Variants in MTF2 observed in about 807,000 individuals in gnomAD.
The protein encoded by MTF2 is metal response element binding transcription factor 2, also known as metal-response element-binding transcription factor 2.
MTF2 carries 11 observed loss-of-function variants against 79.5 expected under a neutral mutation model. The ratio of observed to expected loss-of-function variants is 0.14; its 90% confidence interval spans 0.09 to 0.23. The LOEUF (loss-of-function observed/expected upper bound fraction) is 0.23. Among genes scored for constraint, MTF2 ranks in the 10% least tolerant of loss-of-function variants. The pLI is 1.00. For synonymous variants in MTF2, 208 were observed against 232.8 expected (o/e 0.89, Z 0.97); for missense variants, 486 against 711.2 (o/e 0.68, Z 3.60).
intron 9 of MTF2, among the ~76,000 whole-genome samples, chr1:93,125,042 A>T (rs1656635038): frequency 6.6e-6 from 1 of 152,016 alleles, no homozygotes; most frequent in Non-Finnish European, 1.5e-5. Context: ...TGCTGAAGGA[A>T]CTTAGTAGAT....
chr1:93,110,083 G>T, intron 1 of MTF2, 147 bp from the exon 2 acceptor site: 1 of 732,420 alleles, frequency 1.4e-6, no homozygotes, highest in South Asian at 2.0e-5. Context: ...TTTGTTTGGA[G>T]AGTATTTATG....
chr1:93,095,337 TTTTTA>T (rs1336224039), intron 1 of MTF2, among the ~76,000 whole-genome samples: 2 of 152,174 alleles, frequency 1.3e-5, no homozygotes, highest in African/African-American at 2.4e-5. Flanking sequence ...TTCTTCATTC[TTTTTA>T]TTTTATTTTA....
chr1:93,123,403 G>T (rs150419828), intron 9 of MTF2, among the ~76,000 whole-genome samples: 1 of 151,580 alleles, frequency 6.6e-6, no homozygotes, highest in East Asian at 1.9e-4. Context: ...AGACTAAAGC[G>T]CCTGCTCTAG....
At chr1:93,109,422 C>T (rs537016094) in intron 1 of MTF2, among the ~76,000 whole-genome samples, 2 of 152,228 alleles carry the variant, frequency 1.3e-5, no homozygotes, top group African/African-American at 4.8e-5. Context: ...CAACCTCCGC[C>T]TCCTGGGTTC....
chr1:93,096,015 C>T (rs1655274780), intron 1 of MTF2, among the ~76,000 whole-genome samples: 1 of 152,116 alleles, frequency 6.6e-6, no homozygotes, highest in Non-Finnish European at 1.5e-5. Flanking sequence ...GTCAACAGTT[C>T]TTTAGTCTTT....
intron 11 of MTF2, 109 bp downstream of exon 11, chr1:93,129,557 GATT>G: frequency 6.0e-6 from 3 of 500,768 alleles, no homozygotes; most frequent in East Asian, 9.7e-5. Context: ...CAGTTACTCT[GATT>G]TTTTTTTTTT....
chr1:93,133,667 T>G (rs1291430109), intron 11 of MTF2, 36 bp from the exon 12 acceptor site: 4 of 1,451,836 alleles, frequency 2.8e-6, no homozygotes, highest in Non-Finnish European at 3.8e-6. Flanking sequence ...GTTTTCTTTA[T>G]GCAGAGATTA....
chr1:93,117,899 C>T (rs1424465272), intron 6 of MTF2, among the ~76,000 whole-genome samples: 1 of 152,084 alleles, frequency 6.6e-6, no homozygotes, highest in East Asian at 1.9e-4. Flanking sequence ...GTGGTGCATG[C>T]CTGTGGTCCT....
At chr1:93,116,712 C>T (rs1029310094) in intron 6 of MTF2, among the ~76,000 whole-genome samples, 4 of 151,924 alleles carry the variant, frequency 2.6e-5, no homozygotes, top group Non-Finnish European at 4.4e-5. Flanking sequence ...TATTTGTCCA[C>T]GTTGGTCTCC....
At chr1:93,083,074 C>T (rs537999681) in intron 1 of MTF2, among the ~76,000 whole-genome samples, 4 of 152,234 alleles carry the variant, frequency 2.6e-5, no homozygotes, top group East Asian at 1.9e-4. Context: ...TAATTTTGAT[C>T]GGCTTACGGT....
At chr1:93,093,913 G>C (rs1323108268) in intron 1 of MTF2, among the ~76,000 whole-genome samples, 1 of 151,958 alleles carries the variant, frequency 6.6e-6, no homozygotes, top group Non-Finnish European at 1.5e-5. Flanking sequence ...TAATTTGACT[G>C]GTTATAAGGT....
At chr1:93,095,489 C>T (rs1019907976) in intron 1 of MTF2, among the ~76,000 whole-genome samples, 5 of 151,516 alleles carry the variant, frequency 3.3e-5, no homozygotes, top group Admixed American at 6.6e-5. Flanking sequence ...TACAGGAGTC[C>T]GCCACTACAT....
intron 11 of MTF2, 77 bp from the exon 12 acceptor site, chr1:93,133,626 G>A: frequency 2.5e-6 from 2 of 799,980 alleles, no homozygotes; most frequent in Middle Eastern, 3.2e-4. Context: ...ATGTATATGT[G>A]TCTAGTTACA....
chr1:93,089,658 T>C, intron 1 of MTF2, among the ~76,000 whole-genome samples: 1 of 152,138 alleles, frequency 6.6e-6, no homozygotes, highest in East Asian at 1.9e-4. Context: ...GCCCAGGATA[T>C]CTTCACACTT....
intron 1 of MTF2, among the ~76,000 whole-genome samples, chr1:93,107,566 A>C (rs1236141542): frequency 6.6e-6 from 1 of 152,198 alleles, no homozygotes; most frequent in Non-Finnish European, 1.5e-5. Context: ...GGCATAAGGC[A>C]CTTGTGCCAT....
chr1:93,102,649 A>C (rs553308883), intron 1 of MTF2, among the ~76,000 whole-genome samples: 1 of 152,182 alleles, frequency 6.6e-6, no homozygotes, highest in African/African-American at 2.4e-5. Flanking sequence ...CTACTAATAG[A>C]GTTGTAGATA....
chr1:93,129,221 C>A, intron 10 of MTF2, 57 bp from the exon 11 acceptor site: 1 of 1,223,300 alleles, frequency 8.2e-7, no homozygotes. Flanking sequence ...AAGTTAGGGT[C>A]TACTATGTAT....
rs767451751 is a variant in MTF2, at chr1:93,129,262, T to G, written c.990-16T>G. On this transcript the variant is annotated splice_polypyrimidine_tract_variant and intron_variant, in intron 10 of 14. Transcript: ENST00000370298. ...TTCAGTTTTTAAAATTTTAGTTAAT[T>G]TTTTTAAAAATTTAGGTTTATGTCT... 3 of 1,517,292 alleles carry G rather than the reference T, an allele frequency of 2.0e-6. No individual in the cohort carries two copies. The allele number at this position is 1,517,292 out of a possible 1,614,324, so 94.0% of individuals were successfully genotyped here.
intron 1 of MTF2, among the ~76,000 whole-genome samples, chr1:93,084,700 T>G (rs580828): frequency 6.6e-6 from 1 of 151,942 alleles, no homozygotes; most frequent in Admixed American, 6.6e-5. Context: ...TTCTCGAACT[T>G]CTTCTGTTAA....
Sources: allele counts gnomAD v4.1 joint callset (sites outside exome capture counted in the v4.1 genomes callset), GRCh38; gene constraint gnomAD v4.1.1; transcripts MANE v1.5; gene names NCBI Gene and HGNC (gene_info 2026-07-23, HGNC 2026-07-21).